The following PGM5 variants were observed in gnomAD, a reference collection of about 807,000 sequenced individuals.
PGM5 encodes phosphoglucomutase 5, also known as phosphoglucomutase-like protein 5.
A neutral mutation model predicts 59.2 loss-of-function variants in PGM5; 23 were observed. That is an observed-to-expected ratio of 0.39 (90% CI 0.28 to 0.55). PGM5 has a LOEUF of 0.55. Ranked by LOEUF, PGM5 falls within the 20% of genes least tolerant of loss-of-function variation. PGM5 has a pLI of 0.66. For synonymous variants in PGM5, 214 were observed against 286.0 expected (o/e 0.75, Z 2.54); for missense variants, 574 against 748.3 (o/e 0.77, Z 2.72).
chr9:68,508,642 G>A (rs1181485415), intron 10 of PGM5, among the ~76,000 whole-genome samples: 1 of 152,186 alleles, frequency 6.6e-6, no homozygotes, highest in African/African-American at 2.4e-5. Context: ...TACTCAGCCT[G>A]AAAAAGGAGC....
At chr9:68,362,606 CTTTTA>C (rs1834597012) in intron 1 of PGM5, among the ~76,000 whole-genome samples, 1 of 151,970 alleles carries the variant, frequency 6.6e-6, no homozygotes, top group African/African-American at 2.4e-5. Flanking sequence ...TTTCTTTCTA[CTTTTA>C]TCTGCTTCAG....
chr9:68,513,944 C>T (rs115778941), intron 10 of PGM5, among the ~76,000 whole-genome samples: 2,560 of 152,298 alleles, frequency 0.017, 54 homozygotes, highest in African/African-American at 0.049. Flanking sequence ...ATTCACTTTC[C>T]TTTTAATGGA....
chr9:68,465,117 T>G lies in PGM5; in HGVS notation c.1068T>G (p.Pro356=), dbSNP rs561675189. 17 of 1,610,188 alleles carry G rather than the reference T, an allele frequency of 1.1e-5. No homozygotes were observed. In the East Asian group the frequency reaches 3.6e-4, roughly 34 times the overall value. ...GAGTGGCCAAATCAATGAAGGTCCC[T>G]GTATATGAGACCCCAGCTGGATGGA... The part of the protein sequence containing the change: ...LDRVAKSMKV[P]VYETPAGWRF... Residue 356 remains proline, a synonymous_variant, in exon 7 of 11, where the codon CCT becomes CCG. Transcript: ENST00000396396.
chr9:68,529,702 G>A lies in PGM5; in HGVS notation c.*46G>A. Reference sequence around the variant, plus strand: ...CAGGGCCAAAGAGAGTGCTCAGCGGGAGATGCTTCACTGATGCCTTCTTGC... The same window carrying A: ...CAGGGCCAAAGAGAGTGCTCAGCGGAAGATGCTTCACTGATGCCTTCTTGC... On this transcript the variant is annotated 3_prime_UTR_variant, in exon 11 of 11. Transcript: ENST00000396396. The A allele has an allele frequency of 8.4e-7, 1 of 1,190,122 alleles. No homozygotes were observed. Among genetic ancestry groups the A allele is most frequent in the Non-Finnish European group, 1.2e-6 (1 of 841,790 alleles). The allele number at this position is 1,190,122 out of a possible 1,614,324, so 73.7% of individuals were successfully genotyped here.
intron 6 of PGM5, among the ~76,000 whole-genome samples, chr9:68,403,369 T>C (rs147600248): frequency 3.5e-3 from 533 of 152,322 alleles, no homozygotes; most frequent in Middle Eastern, 0.024. Context: ...TATTTCAGTA[T>C]ATATTACAGA....
intron 10 of PGM5, among the ~76,000 whole-genome samples, chr9:68,523,234 G>C (rs548013356): frequency 1.3e-5 from 2 of 152,282 alleles, no homozygotes; most frequent in Admixed American, 1.3e-4. Context: ...CTGGGTTTGG[G>C]CTGGAGCAAA....
chr9:68,458,562 G>A (rs1823813322), intron 6 of PGM5, among the ~76,000 whole-genome samples: 1 of 152,116 alleles, frequency 6.6e-6, no homozygotes, highest in African/African-American at 2.4e-5. Flanking sequence ...CAACTCTGTA[G>A]GCCATTTTGC....
At chr9:68,421,674 A>G (rs909398788) in intron 6 of PGM5, among the ~76,000 whole-genome samples, 3 of 152,116 alleles carry the variant, frequency 2.0e-5, no homozygotes, top group African/African-American at 7.2e-5. Flanking sequence ...CGGAGATCAT[A>G]CCACTGTACT....
chr9:68,473,315 G>A (rs1022445050), intron 7 of PGM5, among the ~76,000 whole-genome samples: 25 of 152,162 alleles, frequency 1.6e-4, no homozygotes, highest in African/African-American at 6.0e-4. Context: ...GGGAAAATTT[G>A]CAGCTTGTCC....
intron 6 of PGM5, among the ~76,000 whole-genome samples, chr9:68,414,212 C>T (rs1822983320): frequency 6.6e-6 from 1 of 152,170 alleles, no homozygotes; most frequent in South Asian, 2.1e-4. Context: ...CACCAGGCTT[C>T]CCGTATAGCC....
intron 10 of PGM5, among the ~76,000 whole-genome samples, chr9:68,508,473 T>C (rs1824692437): frequency 6.6e-6 from 1 of 152,258 alleles, no homozygotes; most frequent in Admixed American, 6.5e-5. Flanking sequence ...TTCCTTATAA[T>C]GCTATTCTAA....
In PGM5 at chr9:68,529,794, G is replaced by T; in HGVS notation, c.*138G>T. 1 of 526,984 alleles carries T rather than the reference G, an allele frequency of 1.9e-6. No individual in the cohort carries two copies. The highest frequency in any genetic ancestry group is 3.6e-5 in the East Asian group (1 of 27,716). 32.6% of individuals were successfully genotyped at this position (526,984 alleles called of 1,614,324 possible). ...ATTTTGCTTTTGGGGGATAGAGGGT[G>T]GGTGGGAAAAGAAAAAAAATCCATT... On this transcript the variant is annotated 3_prime_UTR_variant, in exon 11 of 11. Coordinates refer to ENST00000396396, the MANE Select transcript of PGM5 (RefSeq NM_021965.4).
chr9:68,423,777 C>T (rs76004160), intron 6 of PGM5, among the ~76,000 whole-genome samples: 1,561 of 152,180 alleles, frequency 0.01, 18 homozygotes, highest in African/African-American at 0.037. Context: ...AATACTACAC[C>T]ATGTTCCTCT....
At chr9:68,445,705 A>T (rs1823600197) in intron 6 of PGM5, among the ~76,000 whole-genome samples, 1 of 152,196 alleles carries the variant, frequency 6.6e-6, no homozygotes. Context: ...CCTTAAATAG[A>T]ACCTTTTCAA....
chr9:68,368,173 C>T (rs1834715594), intron 1 of PGM5, among the ~76,000 whole-genome samples: 2 of 149,218 alleles, frequency 1.3e-5, no homozygotes, highest in South Asian at 4.3e-4. Context: ...GAACAGAGTC[C>T]AAAATGTCAG....
intron 9 of PGM5, among the ~76,000 whole-genome samples, chr9:68,490,301 C>T (rs1214133702): frequency 6.6e-6 from 1 of 152,208 alleles, no homozygotes; most frequent in Non-Finnish European, 1.5e-5. Flanking sequence ...TCAGAGTTAG[C>T]TAGTCAAATT....
chr9:68,495,442 A>G (rs972988019), intron 9 of PGM5, among the ~76,000 whole-genome samples: 3 of 152,184 alleles, frequency 2.0e-5, no homozygotes, highest in African/African-American at 7.2e-5. Context: ...TTATTGTCAG[A>G]AAGAAAAAGA....
chr9:68,478,533 T>G (rs1824141167), intron 7 of PGM5, among the ~76,000 whole-genome samples: 1 of 152,204 alleles, frequency 6.6e-6, no homozygotes, highest in Admixed American at 6.5e-5. Flanking sequence ...TGTATTCTCT[T>G]ATAGTTCTGG....
chr9:68,484,956 C>A (rs1824271054), intron 9 of PGM5, among the ~76,000 whole-genome samples: 1 of 152,122 alleles, frequency 6.6e-6, no homozygotes, highest in Admixed American at 6.5e-5. Flanking sequence ...ATGTAGAATT[C>A]AAGAGATATA....
Sources: gnomAD v4.1 joint callset for allele counts (sites outside exome capture counted in the v4.1 genomes callset) on GRCh38, gnomAD v4.1.1 for gene constraint, MANE v1.5 for transcripts, NCBI Gene and HGNC (gene_info 2026-07-23, HGNC 2026-07-21) for gene names.